RSPO2: variants seen among roughly 807,000 people sequenced by gnomAD.
The protein encoded by RSPO2 is R-spondin-2.
In RSPO2, 14 loss-of-function variants were observed where a neutral mutation model predicts 30.9. That is an observed-to-expected ratio of 0.45 (90% CI 0.30 to 0.71). RSPO2 has a LOEUF of 0.71. Ranked by LOEUF, RSPO2 falls within the 30% of genes least tolerant of loss-of-function variation. RSPO2 has a pLI of 0.08. For missense variants in RSPO2, 264 were observed against 301.9 expected, an observed-to-expected ratio of 0.87 and a Z score of 0.93; for synonymous variants, 107 against 96.4, an observed-to-expected ratio of 1.11 and a Z score of -0.64.
rs1248095433 is a variant in RSPO2, at chr8:108,058,295, C to T, written c.94+24250G>A. Reference sequence around the variant, plus strand: ...ACCTAGGAATCCAATTTACAAGGGACATGAAGGACCTCTTCAAGGAGAACT... The same window carrying T: ...ACCTAGGAATCCAATTTACAAGGGATATGAAGGACCTCTTCAAGGAGAACT... On this transcript the variant is annotated intron_variant, in intron 2 of 5. Coordinates refer to ENST00000276659, the MANE Select transcript of RSPO2 (RefSeq NM_178565.5). Among the ~76,000 whole-genome samples, 6 of 152,202 alleles carry T rather than the reference C, an allele frequency of 3.9e-5. No homozygotes were observed. In the South Asian group the frequency reaches 1.0e-3, roughly 26 times the overall value.
intron 3 of RSPO2, among the ~76,000 whole-genome samples, chr8:107,972,736 CT>C (rs778017616): frequency 6.6e-6 from 1 of 152,054 alleles, no homozygotes; most frequent in South Asian, 2.1e-4. Context: ...AGATATTACT[CT>C]TTTACTGAGA....
At chr8:108,066,022 A>G (rs1393042497) in intron 2 of RSPO2, among the ~76,000 whole-genome samples, 2 of 152,218 alleles carry the variant, frequency 1.3e-5, no homozygotes, top group Non-Finnish European at 2.9e-5. Context: ...TGGGCTACAA[A>G]GAGCAAAACT....
In RSPO2 at chr8:108,052,611, T is replaced by G. The variant is rs1586660257; in HGVS notation, c.94+29934A>C. 2.0e-5 allele frequency among the ~76,000 whole-genome samples: 3 copies of G among 152,132 alleles called. No individual in the cohort carries two copies. The East Asian group carries it at 5.8e-4, about 29-fold the overall frequency. Reference sequence around the variant, plus strand: ...AGAAAATGTCCACAGAGTAAGCAACTGGGAAATTCAACTAGCAGCAGCTAA... The same window carrying G: ...AGAAAATGTCCACAGAGTAAGCAACGGGGAAATTCAACTAGCAGCAGCTAA... On this transcript the variant is annotated intron_variant, in intron 2 of 5. Coordinates refer to ENST00000276659, the MANE Select transcript of RSPO2 (RefSeq NM_178565.5).
chr8:107,967,170 G>T (rs1019347799), intron 3 of RSPO2, among the ~76,000 whole-genome samples: 5 of 152,146 alleles, frequency 3.3e-5, no homozygotes, highest in African/African-American at 1.2e-4. Flanking sequence ...GCTAAAATAT[G>T]AATAGAAATT....
intron 2 of RSPO2, among the ~76,000 whole-genome samples, chr8:108,064,244 A>G (rs552767697): frequency 6.6e-6 from 1 of 152,290 alleles, no homozygotes; most frequent in East Asian, 1.9e-4. Context: ...GAAACAGGCA[A>G]CCTACAGAAT....
chr8:107,917,720 A>G (rs747872310), intron 5 of RSPO2, among the ~76,000 whole-genome samples: 1 of 152,194 alleles, frequency 6.6e-6, no homozygotes, highest in African/African-American at 2.4e-5. Flanking sequence ...TCTTTGGACT[A>G]TATTTGTATA....
chr8:108,033,049 C>CAAAAAAAA (rs35774922), intron 2 of RSPO2, among the ~76,000 whole-genome samples: 1 of 68,764 alleles, frequency 1.5e-5, no homozygotes, highest in African/African-American at 6.1e-5. Flanking sequence ...GACTCTGTCT[C>CAAAAAAAA]AAAAAAAAAA....
intron 2 of RSPO2, among the ~76,000 whole-genome samples, chr8:107,990,608 T>A (rs1814812870): frequency 6.6e-6 from 1 of 152,094 alleles, no homozygotes; most frequent in African/African-American, 2.4e-5. Context: ...GAATCAATAT[T>A]ATTAAAATAG....
intron 2 of RSPO2, among the ~76,000 whole-genome samples, chr8:107,992,831 A>G (rs548749038): frequency 4.3e-4 from 65 of 152,358 alleles, no homozygotes; most frequent in Non-Finnish European, 8.7e-4. Flanking sequence ...AAAAATTATC[A>G]AACTATAATT....
chr8:107,934,958 T>C (rs1812667360), intron 5 of RSPO2, among the ~76,000 whole-genome samples: 1 of 152,286 alleles, frequency 6.6e-6, no homozygotes, highest in Non-Finnish European at 1.5e-5. Context: ...CCTGTGATGA[T>C]TGCGTTATCT....
intron 5 of RSPO2, among the ~76,000 whole-genome samples, chr8:107,907,611 G>A (rs1811692409): frequency 6.6e-6 from 1 of 152,054 alleles, no homozygotes; most frequent in African/African-American, 2.4e-5. Context: ...TCTTCTTGCA[G>A]GGACTATTGA....
chr8:107,959,621 G>A (rs1224783701), intron 4 of RSPO2, among the ~76,000 whole-genome samples: 2 of 152,136 alleles, frequency 1.3e-5, no homozygotes, highest in Non-Finnish European at 2.9e-5. Flanking sequence ...TTTATAATAT[G>A]CTTATAGTTA....
intron 2 of RSPO2, among the ~76,000 whole-genome samples, chr8:108,080,711 A>G (rs568571520): frequency 6.6e-6 from 1 of 152,306 alleles, no homozygotes; most frequent in South Asian, 2.1e-4. Context: ...CTCAACCACA[A>G]TGGGACAGGC....
At chr8:107,909,592 C>G (rs1402691872) in intron 5 of RSPO2, among the ~76,000 whole-genome samples, 1 of 152,036 alleles carries the variant, frequency 6.6e-6, no homozygotes, top group African/African-American at 2.4e-5. Context: ...AGTCATTTTT[C>G]AAGTTATTGA....
At chr8:107,939,012 A>T (rs1812802711) in intron 5 of RSPO2, among the ~76,000 whole-genome samples, 1 of 152,174 alleles carries the variant, frequency 6.6e-6, no homozygotes. Flanking sequence ...CATTTTGAAC[A>T]TCCCTCCAAG....
At chr8:107,940,613 C>A (rs576582131) in intron 5 of RSPO2, among the ~76,000 whole-genome samples, 1 of 152,164 alleles carries the variant, frequency 6.6e-6, no homozygotes, top group African/African-American at 2.4e-5. Context: ...AGCTTCTTGG[C>A]CCAAGGCCAT....
At chr8:108,066,352 T>G (rs1027277480) in intron 2 of RSPO2, among the ~76,000 whole-genome samples, 1 of 152,240 alleles carries the variant, frequency 6.6e-6, no homozygotes, top group African/African-American at 2.4e-5. Flanking sequence ...GTAGCTTCTC[T>G]GAAAGCTATT....
Position 108,054,761 on chromosome 8 carries a change from T to C in RSPO2, c.94+27784A>G, listed in dbSNP as rs531587928. Among the ~76,000 whole-genome samples the C allele has an allele frequency of 2.6e-5, 4 of 152,262 alleles. No homozygotes were observed. In the South Asian group the frequency reaches 8.3e-4, roughly 32 times the overall value. ...GGCTGGCAAGCATACGCCTTCCATT[T>C]TGTGCCCTAAGGCCCCCTCTTGCCG... On this transcript the variant is annotated intron_variant, in intron 2 of 5. Coordinates refer to ENST00000276659, the MANE Select transcript of RSPO2 (RefSeq NM_178565.5).
chr8:107,968,733 AC>A (rs1227646517), intron 3 of RSPO2, among the ~76,000 whole-genome samples: 1 of 152,156 alleles, frequency 6.6e-6, no homozygotes, highest in Non-Finnish European at 1.5e-5. Flanking sequence ...ATAATAAAAT[AC>A]ATTTTAATCT....
Sources: allele counts gnomAD v4.1 joint callset (sites outside exome capture counted in the v4.1 genomes callset), GRCh38; gene constraint gnomAD v4.1.1; transcripts MANE v1.5; gene names NCBI Gene and HGNC (gene_info 2026-07-23, HGNC 2026-07-21).